RASGRP4: variants seen among roughly 807,000 people sequenced by gnomAD.
RASGRP4 encodes RAS guanyl releasing protein 4.
RASGRP4 carries 52 observed loss-of-function variants against 84.4 expected under a neutral mutation model. The ratio of observed to expected loss-of-function variants is 0.62; its 90% CI spans 0.49 to 0.78. RASGRP4 has a LOEUF of 0.78. RASGRP4 is among the 30% of genes least tolerant of loss of function. RASGRP4 has a pLI of 0.00. For missense variants in RASGRP4, 760 were observed against 886.9 expected (o/e 0.86, Z 1.82); for synonymous variants, 356 against 359.1 (o/e 0.99, Z 0.10).
chr19:38,411,731 A>G (rs1407623766), intron 13 of RASGRP4: 1 of 194,980 alleles, frequency 5.1e-6, no homozygotes, highest in Non-Finnish European at 1.0e-5. Context: ...GATTATCTCA[A>G]GTTTAGATAA....
intron 1 of RASGRP4, among the ~76,000 whole-genome samples, chr19:38,423,219 A>C (rs1600580370): frequency 6.6e-6 from 1 of 152,220 alleles, no homozygotes; most frequent in African/African-American, 2.4e-5. Context: ...TTCCTCCCAC[A>C]GCCCTCAAGA....
At chr19:38,421,890 T>G in intron 2 of RASGRP4, 79 bp downstream of exon 2, 1 of 1,292,502 alleles carries the variant, frequency 7.7e-7, no homozygotes, top group Non-Finnish European at 1.1e-6. Context: ...TCATTTTACC[T>G]CCAAAAACTG....
At chr19:38,425,877 G>A (rs1002710160) in intron 1 of RASGRP4, among the ~76,000 whole-genome samples, 192 bp downstream of exon 1, 3 of 152,244 alleles carry the variant, frequency 2.0e-5, no homozygotes, top group East Asian at 3.9e-4. Flanking sequence ...GGGACAACAC[G>A]GTACAGATGC....
intron 9 of RASGRP4, 67 bp downstream of exon 9, chr19:38,414,779 TCA>T: frequency 6.9e-7 from 1 of 1,440,296 alleles, no homozygotes; most frequent in East Asian, 2.5e-5. Flanking sequence ...CTGGAGACAC[TCA>T]CACACCCAGG....
At chr19:38,415,815 T>C (rs1971475300) in intron 8 of RASGRP4, among the ~76,000 whole-genome samples, 1 of 151,492 alleles carries the variant, frequency 6.6e-6, no homozygotes, top group African/African-American at 2.4e-5. Context: ...TCCCAGCATT[T>C]TGAGAGGCCG....
chr19:38,422,157 TG>T lies in RASGRP4; in HGVS notation c.24-5del. 2 of 1,606,184 alleles carry T rather than the reference TG, an allele frequency of 1.2e-6. No individual in the cohort carries two copies. Among genetic ancestry groups the T allele is most frequent in the Non-Finnish European group, 1.7e-6 (2 of 1,176,696 alleles). On this transcript the variant is annotated splice_polypyrimidine_tract_variant and splice_region_variant and intron_variant, in intron 1 of 16. Transcript: ENST00000615439. Reference sequence around the variant, plus strand: ...GGTGCATTCCTGGTGGGACTTCCTGTGGGCACAGCCCCCAAGGAGTCATGGG... The same window carrying T: ...GGTGCATTCCTGGTGGGACTTCCTGTGGCACAGCCCCCAAGGAGTCATGGG...
chr19:38,411,247 A>T lies in RASGRP4; in HGVS notation c.1720T>A (p.Cys574Ser). ...CAGTGTTTGTGGCAACACAGCCCGC[A>T]CTCTGGGGGAAGGCAGCGGCAGGGG... is the stretch of plus-strand genomic sequence containing the variant. ...VTKQGYRCRE[C>S]GLCCHKHCRD... is the part of the protein sequence containing the mutation. Residue 574 changes from cysteine (C) to serine (S), a missense_variant and splice_region_variant, in exon 15 of 17, where the codon TGC becomes AGC. Coordinates refer to ENST00000615439, the MANE Select transcript of RASGRP4 (RefSeq NM_170604.3). 1.2e-6 allele frequency: 2 copies of T among 1,613,636 alleles called. No individual in the cohort carries two copies. The highest frequency in any genetic ancestry group is 1.7e-6 in the Non-Finnish European group (2 of 1,179,812).
rs1568407142 is a variant in RASGRP4, at chr19:38,412,087, TTGTTGTTG to T, written c.1680+577_1680+584del. Among the ~76,000 whole-genome samples the T allele has an allele frequency of 0.012, 884 of 71,904 alleles. 16 individuals are homozygous for T. The highest frequency in any genetic ancestry group is 0.029 in the African/African-American group (854 of 29,466). 47.2% of individuals were successfully genotyped at this position (71,904 alleles called of 152,430 possible). ...CCGGTTTGGAGATTATCCAGGTTTG[TTGTTGTTG>T]TTGTTGTTGTTGTTGTTGTTGTTGT... On this transcript the variant is annotated intron_variant, in intron 13 of 16. Coordinates refer to ENST00000615439, the MANE Select transcript of RASGRP4 (RefSeq NM_170604.3). The surrounding 1 kb of genome is among the most constrained non-coding windows in gnomAD (Gnocchi z 4.6).
Position 38,418,464 on chromosome 19 carries a change from T to C in RASGRP4, c.764A>G (p.Gln255Arg), listed in dbSNP as rs1476810474. 2 of 1,595,714 alleles carry C rather than the reference T, an allele frequency of 1.3e-6. No individual in the cohort carries two copies. The highest frequency in any genetic ancestry group is 1.7e-6 in the Non-Finnish European group (2 of 1,171,732). ...CCCGGGACGGCTCAGCACCATCACC[T>C]GCACCCAGCGGGACACGCTGTTGCT... ...GLSNSVSRWV[Q>R]VMVLSRPGPL... Residue 255 changes from glutamine to arginine, a missense_variant, in exon 7 of 17, where the codon CAG becomes CGG. Transcript: ENST00000615439. This position sits in a 1 kb window ranked among gnomAD's most constrained non-coding sequence, Gnocchi z 4.6.
At chr19:38,410,129 G>A (rs1371413877) in intron 16 of RASGRP4, 33 bp from the exon 17 acceptor site, 3 of 1,571,756 alleles carry the variant, frequency 1.9e-6, no homozygotes, top group South Asian at 1.1e-5. Flanking sequence ...AAAGATGACA[G>A]ATGATGTGGG....
intron 1 of RASGRP4, among the ~76,000 whole-genome samples, chr19:38,424,501 C>T (rs1162762516): frequency 6.6e-6 from 1 of 151,942 alleles, no homozygotes; most frequent in Non-Finnish European, 1.5e-5. Flanking sequence ...CTCATTGTAA[C>T]CTTGAACTCC....
Position 38,417,083 on chromosome 19 carries a change from G to A in RASGRP4, c.923C>T (p.Ser308Phe). The A allele has an allele frequency of 6.4e-7, 1 of 1,561,600 alleles. No individual in the cohort carries two copies. The highest frequency in any genetic ancestry group is 8.7e-7 in the Non-Finnish European group (1 of 1,152,334). Residue 308 changes from serine (S) to phenylalanine (F), a missense_variant, in exon 8 of 17, where the codon TCC becomes TTC. Coordinates refer to ENST00000615439, the MANE Select transcript of RASGRP4 (RefSeq NM_170604.3). This position sits in a 1 kb window ranked among gnomAD's most constrained non-coding sequence, Gnocchi z 5.1. ...CHSAISRLKD[S>F]HAHLSPDSTK... ...GCTGTCAGGGCTCAGGTGGGCATGGGAGTCCTTGAGTCTGGAGATGGCACT... is the reference window on the plus strand; with the variant it reads ...GCTGTCAGGGCTCAGGTGGGCATGGAAGTCCTTGAGTCTGGAGATGGCACT...
intron 1 of RASGRP4, among the ~76,000 whole-genome samples, chr19:38,424,411 C>T (rs1259808429): frequency 3.3e-5 from 5 of 151,600 alleles, no homozygotes; most frequent in Admixed American, 6.6e-5. Context: ...TGAGCCATCA[C>T]GCCAGGCTCC....
In RASGRP4 at chr19:38,422,032, C is replaced by A. The variant is rs1226950330; in HGVS notation, c.145G>T (p.Gly49Cys). Residue 49 changes from glycine (G) to cysteine (C), a missense_variant, in exon 2 of 17, where the codon GGC becomes TGC. Physicochemically the swap from Gly to Cys is radical, Grantham distance 159. Coordinates refer to ENST00000615439, the MANE Select transcript of RASGRP4 (RefSeq NM_170604.3). ...CTGCAGCCGCCCTCACTCAGCAGGCCCAGGTTCATGGAAGCCATGACCTTG... is the reference window on the plus strand; with the variant it reads ...CTGCAGCCGCCCTCACTCAGCAGGCACAGGTTCATGGAAGCCATGACCTTG... ...ISKVMASMNLGLLSEGGCSED... is the reference protein window; with the variant it reads ...ISKVMASMNLCLLSEGGCSED... 6.2e-7 allele frequency: 1 copy of A among 1,613,636 alleles called. No homozygotes were observed. Among genetic ancestry groups the A allele is most frequent in the African/African-American group, 1.3e-5 (1 of 75,012 alleles).
rs1308852837 is a variant in RASGRP4 at position 38,422,005 on chromosome 19, C to T, written c.172G>A (p.Glu58Lys). Residue 58 changes from glutamate (E) to lysine (K), a missense_variant, in exon 2 of 17, where the codon GAA becomes AAA. Transcript: ENST00000615439. ...LGLLSEGGCS[E>K]DELLEKCIQS... is the part of the protein sequence containing the mutation. ...ATGCATTTCTCCAGCAGCTCATCTT[C>T]GCTGCAGCCGCCCTCACTCAGCAGG... The T allele has an allele frequency of 1.9e-6, 3 of 1,612,812 alleles. No individual in the cohort carries two copies. Among genetic ancestry groups the T allele is most frequent in the African/African-American group, 1.3e-5 (1 of 74,902 alleles).
rs930726154 is a variant in RASGRP4 at position 38,412,702 on chromosome 19, C to T, written c.1650G>A (p.Lys550=). 5.0e-6 allele frequency: 8 copies of T among 1,613,184 alleles called. No homozygotes were observed. Among genetic ancestry groups the T allele is most frequent in the African/African-American group, 2.7e-5 (2 of 74,896 alleles). The part of the protein sequence containing the change: ...LHTFHEVTFR[K]PTFCDSCSGF... ...CACTGCAGCTGTCGCAGAAGGTAGGCTTTCGGAAGGTGACCTCATGGAAGG... is the reference window on the plus strand; with the variant it reads ...CACTGCAGCTGTCGCAGAAGGTAGGTTTTCGGAAGGTGACCTCATGGAAGG... The change falls in exon 13 of 17, where the codon AAG becomes AAA. Residue 550 remains lysine, a synonymous_variant. Coordinates refer to ENST00000615439, the MANE Select transcript of RASGRP4 (RefSeq NM_170604.3). This position sits in a 1 kb window ranked among gnomAD's most constrained non-coding sequence, Gnocchi z 4.6.
intron 13 of RASGRP4, 32 bp from the exon 14 acceptor site, chr19:38,411,413 C>T (rs1478103040): frequency 2.6e-6 from 4 of 1,511,222 alleles, no homozygotes; most frequent in South Asian, 2.6e-5. Context: ...GGTTACCCAT[C>T]CTAGGAGAGG....
chr19:38,420,485 CG>C (rs1300481452), intron 4 of RASGRP4, among the ~76,000 whole-genome samples: 1 of 148,942 alleles, frequency 6.7e-6, no homozygotes, highest in Non-Finnish European at 1.5e-5. Context: ...GGAAACAGAC[CG>C]GGGAGTCACT....
chr19:38,419,179 A>G (rs1008408889), intron 6 of RASGRP4, among the ~76,000 whole-genome samples: 1 of 152,172 alleles, frequency 6.6e-6, no homozygotes, highest in African/African-American at 2.4e-5. Context: ...GCTAATGCAT[A>G]TATATGTTGA....
Sources: allele counts gnomAD v4.1 joint callset (sites outside exome capture counted in the v4.1 genomes callset), GRCh38; gene constraint gnomAD v4.1.1; non-coding constraint Gnocchi (gnomAD v3.1); transcripts MANE v1.5; gene names NCBI Gene and HGNC (gene_info 2026-07-23, HGNC 2026-07-21).